The following NCOA6 variants were observed in gnomAD, a reference collection of about 807,000 sequenced individuals.
NCOA6 encodes the protein nuclear receptor coactivator 6.
In NCOA6, 49 loss-of-function variants were observed where a neutral mutation model predicts 171.4. The ratio of observed to expected loss-of-function variants is 0.29; its 90% CI spans 0.23 to 0.36. The LOEUF is 0.36. Ranked by LOEUF, NCOA6 falls within the 10% of genes least tolerant of loss-of-function variation. The pLI is 1.00. For synonymous variants in NCOA6, 910 were observed against 927.5 expected (o/e 0.98, Z 0.34); for missense variants, 2,248 against 2,554.5 (o/e 0.88, Z 2.59).
chr20:34,733,961 G>A (rs1214302962), intron 12 of NCOA6, among the ~76,000 whole-genome samples: 4 of 149,576 alleles, frequency 2.7e-5, no homozygotes, highest in Non-Finnish European at 5.9e-5. Context: ...ACAAAAAATA[G>A]ATACCAATTC....
intron 4 of NCOA6, among the ~76,000 whole-genome samples, chr20:34,772,049 G>T (rs543401159): frequency 6.6e-6 from 1 of 152,252 alleles, no homozygotes; most frequent in East Asian, 1.9e-4. Context: ...TTTAGGCTAG[G>T]CATGGTGACT....
At chr20:34,808,527 C>T (rs749724654) in intron 1 of NCOA6, among the ~76,000 whole-genome samples, 1 of 151,286 alleles carries the variant, frequency 6.6e-6, no homozygotes, top group Non-Finnish European at 1.5e-5. Context: ...CAACCTCTGC[C>T]TCCCGGATTC....
chr20:34,792,152 C>T (rs2077906367), intron 2 of NCOA6, among the ~76,000 whole-genome samples: 1 of 151,876 alleles, frequency 6.6e-6, no homozygotes, highest in East Asian at 1.9e-4. Flanking sequence ...AGTACAATAT[C>T]CTATTATCAT....
At position 34,777,690 on chromosome 20, in the gene NCOA6, G is replaced by A. The variant is rs542698297; in HGVS notation, c.236-1242C>T. On this transcript the variant is annotated intron_variant, in intron 3 of 14. Transcript: ENST00000359003. ...AAGGATACAAGCTGCTGCGGAAAAC[G>A]ACAGTTTCTCAAAAAAAATTAAAAA... is the stretch of plus-strand genomic sequence containing the variant. Among the ~76,000 whole-genome samples the A allele has an allele frequency of 9.2e-5, 14 of 151,658 alleles. No homozygotes were observed. The East Asian group carries it at 2.1e-3, about 23-fold the overall frequency.
chr20:34,726,436 A>G (rs2147009934), intron 14 of NCOA6, among the ~76,000 whole-genome samples: 1 of 152,308 alleles, frequency 6.6e-6, no homozygotes, highest in South Asian at 2.1e-4. Flanking sequence ...CCATGGAAAC[A>G]TGGAAAGATA....
chr20:34,759,094 A>G (rs1330244103), intron 5 of NCOA6, among the ~76,000 whole-genome samples, 161 bp from the exon 6 acceptor site: 1 of 151,030 alleles, frequency 6.6e-6, no homozygotes, highest in East Asian at 1.9e-4. Context: ...ATCACAGCTC[A>G]CTGCCATCTC....
At chr20:34,759,064 C>A in intron 5 of NCOA6, 131 bp from the exon 6 acceptor site, 1 of 972,114 alleles carries the variant, frequency 1.0e-6, no homozygotes. Flanking sequence ...GCTCTGTTGC[C>A]CAGTCTGCCA....
At chr20:34,782,543 TATTTTAATTATGACATTCTAAA>T (rs1388220129) in intron 2 of NCOA6, 139 bp from the exon 3 acceptor site, 3 of 256,492 alleles carry the variant, frequency 1.2e-5, no homozygotes, top group Middle Eastern at 1.3e-3. Context: ...GAAGATAAGC[TATTTTAATTATGACATTCTAAA>T]ACAATTAGTT....
intron 1 of NCOA6, among the ~76,000 whole-genome samples, chr20:34,813,491 G>C (rs1377063392): frequency 1.3e-5 from 2 of 151,270 alleles, no homozygotes; most frequent in Non-Finnish European, 2.9e-5. Flanking sequence ...AGGTCATTTT[G>C]GAGACAACTG....
chr20:34,749,339 T>A (rs1392214153), intron 9 of NCOA6, 64 bp downstream of exon 9: 8 of 1,511,336 alleles, frequency 5.3e-6, no homozygotes, highest in Non-Finnish European at 7.1e-6. Flanking sequence ...AAATTTTCCA[T>A]CAAAAAAGTT....
At position 34,742,401 on chromosome 20, in the gene NCOA6, T is replaced by C. The variant is rs769062649; in HGVS notation, c.3855A>G (p.Gln1285=). 6.2e-7 allele frequency: 1 copy of C among 1,614,242 alleles called. No homozygotes were observed. The change falls in exon 11 of 15, where the codon CAA becomes CAG. Residue 1285 remains glutamine, a synonymous_variant. Coordinates refer to ENST00000359003, the MANE Select transcript of NCOA6 (RefSeq NM_014071.5). The part of the protein sequence containing the change: ...LNPTTLKAIG[Q]APSNLTMNPS... ...GATTCATGGTAAGATTTGAAGGTGC[T>C]TGCCCGATGGCCTTCAAAGTTGTTG...
In NCOA6 at chr20:34,746,928, GC is replaced by G; in HGVS notation, c.2793-1del. 1 of 1,304,298 alleles carries G rather than the reference GC, an allele frequency of 7.7e-7. No homozygotes were observed. The highest frequency in any genetic ancestry group is 3.3e-5 in the Admixed American group (1 of 30,332). 80.8% of individuals were successfully genotyped at this position (1,304,298 alleles called of 1,614,324 possible). On this transcript the variant is annotated splice_acceptor_variant, in intron 9 of 14. Transcript: ENST00000359003. LOFTEE classifies it high-confidence loss of function. Reference sequence around the variant, plus strand: ...GACCAGCTGGGCGAGTATCTGGGGTGCTAAAAAAAAAAAAAAAAAAAAAAGT... The same window carrying G: ...GACCAGCTGGGCGAGTATCTGGGGTGTAAAAAAAAAAAAAAAAAAAAAAGT...
At chr20:34,777,539 C>A (rs1309126822) in intron 3 of NCOA6, among the ~76,000 whole-genome samples, 2 of 151,854 alleles carry the variant, frequency 1.3e-5, no homozygotes, top group Non-Finnish European at 2.9e-5. Context: ...CGCTTGAACC[C>A]AGGAGGCGGA....
chr20:34,817,787 G>C (rs1302169529), intron 1 of NCOA6, among the ~76,000 whole-genome samples: 1 of 152,156 alleles, frequency 6.6e-6, no homozygotes, highest in Non-Finnish European at 1.5e-5. Context: ...AGAAGTAAGA[G>C]AGTAAACTAG....
At chr20:34,818,459 A>G (rs1407558038) in intron 1 of NCOA6, among the ~76,000 whole-genome samples, 1 of 152,192 alleles carries the variant, frequency 6.6e-6, no homozygotes, top group African/African-American at 2.4e-5. Context: ...TATTTATTTT[A>G]GGTTTTATCT....
In NCOA6 at chr20:34,741,218, C is replaced by A. The variant is rs778632318; in HGVS notation, c.5038G>T (p.Ala1680Ser). 1.2e-6 allele frequency: 2 copies of A among 1,614,218 alleles called. No homozygotes were observed. The highest frequency in any genetic ancestry group is 1.7e-6 in the Non-Finnish European group (2 of 1,180,044). The change falls in exon 11 of 15, where the codon GCA (alanine) becomes TCA (serine). Residue 1680 changes from alanine to serine, a missense_variant. Physicochemically the swap from Ala to Ser is moderately conservative, Grantham distance 99. Around this residue, in one of 7 missense-constraint regions of NCOA6, gnomAD observed 884 missense variants for 941.9 expected, o/e 0.94. Coordinates refer to ENST00000359003, the MANE Select transcript of NCOA6 (RefSeq NM_014071.5). ...CCAGAGTTGGTTGTCAGTGGGGCTG[C>A]AGGAATTGTGCTTGGCTGTGATCCT... ...MKGSQPSTIPAAPLTTNSGLM... is the reference protein window; with the variant it reads ...MKGSQPSTIPSAPLTTNSGLM...
chr20:34,737,146 C>T (rs2075982070), intron 11 of NCOA6, among the ~76,000 whole-genome samples: 1 of 152,156 alleles, frequency 6.6e-6, no homozygotes, highest in Admixed American at 6.5e-5. Flanking sequence ...TTCCCCTCAG[C>T]ATTTAAAAAA....
rs1600702282 is a variant in NCOA6, at chr20:34,715,465, A to G, written c.6149-100T>C. 8.3e-6 allele frequency: 7 copies of G among 842,854 alleles called. No homozygotes were observed. In the East Asian group the frequency reaches 9.9e-5, roughly 12 times the overall value. The allele number at this position is 842,854 out of a possible 1,614,324, so 52.2% of individuals were successfully genotyped here. A position where few individuals can be genotyped will look rare whatever the true frequency, so the allele number is the denominator to read the frequency against. On this transcript the variant is annotated intron_variant, in intron 14 of 14. Transcript: ENST00000359003. The stretch of plus-strand genomic sequence containing the variant: ...GCAGGGCAGACCTAAGGGGAGCCCT[A>G]CTCAACTCAGAATCTGTCTAAGGGG...
intron 2 of NCOA6, among the ~76,000 whole-genome samples, chr20:34,785,588 A>C (rs2077650825): frequency 6.6e-6 from 1 of 152,166 alleles, no homozygotes; most frequent in African/African-American, 2.4e-5. Flanking sequence ...TTAGGGCTTA[A>C]AAGTTGCTGC....
Sources: gnomAD v4.1 joint callset for allele counts (sites outside exome capture counted in the v4.1 genomes callset) on GRCh38, gnomAD v4.1.1 for gene constraint, gnomAD v4.1.1 regional missense constraint, MANE v1.5 for transcripts, NCBI Gene and HGNC (gene_info 2026-07-23, HGNC 2026-07-21) for gene names.